Variants in EDARADD observed in about 807,000 individuals in gnomAD.
EDARADD encodes the protein EDAR associated via death domain, also known as ectodysplasin-A receptor-associated adapter protein.
In EDARADD, 20 loss-of-function variants were observed where a neutral mutation model predicts 25.6. That is an observed-to-expected ratio of 0.78 (90% CI 0.55 to 1.14). The LOEUF (loss-of-function observed/expected upper bound fraction) is 1.14, where lower values mean the gene tolerates loss of function less well. EDARADD is among the 50% of genes most tolerant of loss of function. EDARADD has a pLI of 0.00. For synonymous variants in EDARADD, 86 were observed against 94.4 expected (o/e 0.91, Z 0.52); for missense variants, 225 against 270.1 (o/e 0.83, Z 1.17).
chr1:236,437,174 A>G (rs184189968), intron 4 of EDARADD, among the ~76,000 whole-genome samples: 31 of 152,346 alleles, frequency 2.0e-4, no homozygotes, highest in Non-Finnish European at 5.9e-5. Context: ...CTCTTAGAGA[A>G]GCTCAGCACA....
At chr1:236,428,576 C>A (rs180955674) in intron 4 of EDARADD, among the ~76,000 whole-genome samples, 65,185 of 147,278 alleles carry the variant, frequency 0.44, 16,843 homozygotes, top group Non-Finnish European at 0.58. Flanking sequence ...ACTTCCCAGA[C>A]TGGGCTGCCG....
At chr1:236,480,133 A>ATATATATCTATCTATC (rs1553271650) in intron 5 of EDARADD, among the ~76,000 whole-genome samples, 4 of 142,112 alleles carry the variant, frequency 2.8e-5, no homozygotes, top group African/African-American at 1.1e-4. Context: ...ATATATATAT[A>ATATATATCTATCTATC]TATCACATTT....
chr1:236,414,586 A>G (rs931294550), intron 3 of EDARADD, among the ~76,000 whole-genome samples: 1 of 152,174 alleles, frequency 6.6e-6, no homozygotes, highest in African/African-American at 2.4e-5. Flanking sequence ...TAAAATGAAG[A>G]CAGCTGGGAC....
At chr1:236,409,194 T>G in intron 1 of EDARADD, 22 bp from the exon 2 acceptor site, 2 of 1,597,200 alleles carry the variant, frequency 1.3e-6, no homozygotes, top group Non-Finnish European at 8.6e-7. Context: ...GCTCTATTTG[T>G]TTGTTTTTGT....
chr1:236,397,512 C>T (rs550743492), intron 1 of EDARADD, among the ~76,000 whole-genome samples: 35 of 152,212 alleles, frequency 2.3e-4, no homozygotes, highest in African/African-American at 7.0e-4. Context: ...AACAAATGGG[C>T]AACATGGAAC....
At chr1:236,353,010 T>TAAAA (rs71559946) in intron 3 of EDARADD, among the ~76,000 whole-genome samples, 1 of 148,748 alleles carries the variant, frequency 6.7e-6, no homozygotes, top group Non-Finnish European at 1.5e-5. Context: ...ACTCCGTCTC[T>TAAAA]AAAAAAAAAA....
Position 236,481,522 on chromosome 1 carries a change from G to A in EDARADD, c.266-745G>A, listed in dbSNP as rs545919918. On this transcript the variant is annotated intron_variant, in intron 5 of 5. Coordinates refer to ENST00000334232, the MANE Select transcript of EDARADD (RefSeq NM_145861.4). The stretch of plus-strand genomic sequence containing the variant: ...TCATGCTTGTAATCCCAGCACTTTG[G>A]GAGGTCAAGGTGGGCAGATCACTTG... Among the ~76,000 whole-genome samples, 387 of 151,986 alleles carry A rather than the reference G, an allele frequency of 2.5e-3. 5 individuals carry two copies. Among genetic ancestry groups the A allele is most frequent in the African/African-American group, 8.7e-3 (362 of 41,438 alleles).
intron 3 of EDARADD, among the ~76,000 whole-genome samples, chr1:236,370,385 C>T (rs1452988862): frequency 1.3e-5 from 2 of 152,138 alleles, no homozygotes; most frequent in African/African-American, 2.4e-5. Flanking sequence ...CATGCCACTG[C>T]ACTCCAGCCT....
intron 3 of EDARADD, among the ~76,000 whole-genome samples, chr1:236,364,120 TC>T (rs1333644362): frequency 6.6e-6 from 1 of 151,912 alleles, no homozygotes; most frequent in Non-Finnish European, 1.5e-5. Flanking sequence ...CCACTGCCCA[TC>T]TCAAAAAAAT....
chr1:236,438,454 C>T (rs182497091), intron 4 of EDARADD, among the ~76,000 whole-genome samples: 61 of 152,194 alleles, frequency 4.0e-4, no homozygotes, highest in Non-Finnish European at 7.1e-4. Flanking sequence ...CAGAGAACCC[C>T]GGTGGTGACC....
At chr1:236,371,784 C>T (rs990685892) in intron 3 of EDARADD, among the ~76,000 whole-genome samples, 43 of 151,792 alleles carry the variant, frequency 2.8e-4, no homozygotes, top group South Asian at 6.3e-4. Context: ...GTTGAGCAGG[C>T]TGGTCTCGAA....
chr1:236,452,450 T>C (rs1458591335), intron 4 of EDARADD, among the ~76,000 whole-genome samples: 3 of 152,084 alleles, frequency 2.0e-5, no homozygotes, highest in Admixed American at 6.6e-5. Flanking sequence ...CTCACGACAG[T>C]GAGTGAGTTT....
intron 3 of EDARADD, among the ~76,000 whole-genome samples, chr1:236,356,768 C>A (rs1003602979): frequency 1.1e-4 from 16 of 150,272 alleles, no homozygotes; most frequent in African/African-American, 3.2e-4. Context: ...AAAAAAAAAA[C>A]CACACCAATT....
chr1:236,418,002 G>C (rs1657684081), intron 3 of EDARADD, among the ~76,000 whole-genome samples: 1 of 148,752 alleles, frequency 6.7e-6, no homozygotes, highest in African/African-American at 2.5e-5. Flanking sequence ...CGCCCAGGCT[G>C]GAGTGCAGTG....
intron 3 of EDARADD, among the ~76,000 whole-genome samples, chr1:236,381,469 G>C (rs1412661269): frequency 2.0e-5 from 3 of 151,998 alleles, no homozygotes; most frequent in African/African-American, 7.2e-5. Flanking sequence ...TAACATGTCA[G>C]AGTGTATTTT....
rs2120960 is a variant in EDARADD at position 236,383,054 on chromosome 1, C to T, written c.-5-26162C>T. On this transcript the variant is annotated intron_variant, in intron 3 of 7. Transcript: ENST00000439430. ...TTCTAGCTCCTCAAACCAGGGAGTC[C>T]AGCAGTCTCTGTCTGAGTGTCCTTT... Among the ~76,000 whole-genome samples, 528 of 152,172 alleles carry T rather than the reference C, an allele frequency of 3.5e-3. 3 individuals are homozygous for T. Among genetic ancestry groups the T allele is most frequent in the African/African-American group, 0.012 (504 of 41,512 alleles).
chr1:236,387,065 G>A (rs1667364614), intron 3 of EDARADD, among the ~76,000 whole-genome samples: 3 of 23,598 alleles, frequency 1.3e-4, no homozygotes, highest in Non-Finnish European at 2.9e-4. Flanking sequence ...TCGGCCCCCC[G>A]CCCGGCCAGC....
At chr1:236,475,997 C>T (rs192772904) in intron 5 of EDARADD, among the ~76,000 whole-genome samples, 32 of 152,082 alleles carry the variant, frequency 2.1e-4, no homozygotes, top group Non-Finnish European at 3.8e-4. Flanking sequence ...TCGAGACCAG[C>T]CTGGCCAACA....
intron 4 of EDARADD, among the ~76,000 whole-genome samples, chr1:236,466,459 A>ACACACACACT (rs1553270447): frequency 1.3e-5 from 2 of 151,620 alleles, no homozygotes; most frequent in South Asian, 4.2e-4. Context: ...ACACACACAC[A>ACACACACACT]CTCACACTCA....
Sources: gnomAD v4.1 joint callset for allele counts (sites outside exome capture counted in the v4.1 genomes callset) on GRCh38, gnomAD v4.1.1 for gene constraint, MANE v1.5 for transcripts, NCBI Gene and HGNC (gene_info 2026-07-23, HGNC 2026-07-21) for gene names.